Variants in RANBP2 observed in about 807,000 individuals in gnomAD.
The protein encoded by RANBP2 is E3 SUMO-protein ligase RanBP2.
RANBP2 carries 57 observed loss-of-function variants against 303.6 expected under a neutral mutation model. The observed-to-expected ratio is 0.19, with a 90% CI of 0.15 to 0.23. The LOEUF (loss-of-function observed/expected upper bound fraction) is 0.23. RANBP2 is among the 10% of genes least tolerant of loss of function. The pLI, the probability that RANBP2 is intolerant of heterozygous loss-of-function variation, is 1.00. For synonymous variants in RANBP2, 1,167 were observed against 1,301.5 expected (o/e 0.90, Z 2.23); for missense variants, 3,138 against 3,780.8 (o/e 0.83, Z 4.46).
chr2:109,341,815 C>A, the RANBP2 span, among the ~76,000 whole-genome samples: 1 of 152,200 alleles, frequency 6.6e-6, no homozygotes, highest in African/African-American at 2.4e-5. Context: ...CACTTGCATT[C>A]TGTGGACAGA....
the RANBP2 span, among the ~76,000 whole-genome samples, chr2:109,498,467 C>A: frequency 6.6e-6 from 1 of 152,196 alleles, no homozygotes; most frequent in Non-Finnish European, 1.5e-5. Context: ...TTTTCCTGAG[C>A]CTGGCACCAA....
chr2:109,430,522 C>T, the RANBP2 span, among the ~76,000 whole-genome samples: 1 of 151,976 alleles, frequency 6.6e-6, no homozygotes, highest in East Asian at 1.9e-4. Flanking sequence ...TCTCCTCCTC[C>T]TCCCTCCTCC....
At chr2:109,375,741 C>T in the RANBP2 span, among the ~76,000 whole-genome samples, 1 of 152,224 alleles carries the variant, frequency 6.6e-6, no homozygotes, top group Non-Finnish European at 1.5e-5. Flanking sequence ...CCCTGCAGCC[C>T]CCCTCTCTTT....
the RANBP2 span, chr2:109,490,727 A>G: frequency 2.0e-6 from 3 of 1,535,486 alleles, no homozygotes; most frequent in Non-Finnish European, 2.6e-6. Flanking sequence ...CCCTGCTCCA[A>G]GGTGCAGTGG....
chr2:108,794,843 G>A, the RANBP2 span: 1 of 748,052 alleles, frequency 1.3e-6, no homozygotes. Flanking sequence ...TCAAGAGAAG[G>A]ACGGAAGGGG....
At chr2:108,754,030 G>C in intron 15 of RANBP2, 59 bp downstream of exon 15, 1 of 1,611,094 alleles carries the variant, frequency 6.2e-7, no homozygotes, top group Non-Finnish European at 8.5e-7. Context: ...CAATGTTTTT[G>C]CGTTGGTCTT....
At chr2:109,460,692 A>G in the RANBP2 span, among the ~76,000 whole-genome samples, 4 of 151,890 alleles carry the variant, frequency 2.6e-5, no homozygotes, top group African/African-American at 9.7e-5. Context: ...AGGTCTTTTC[A>G]CATGTGCTTT....
At chr2:109,507,701 C>T in the RANBP2 span, among the ~76,000 whole-genome samples, 1 of 152,192 alleles carries the variant, frequency 6.6e-6, no homozygotes, top group Admixed American at 6.5e-5. Flanking sequence ...CCCAGACACC[C>T]AAGAAAATGG....
At chr2:109,255,162 A>T in the RANBP2 span, among the ~76,000 whole-genome samples, 7 of 152,142 alleles carry the variant, frequency 4.6e-5, no homozygotes, top group African/African-American at 1.7e-4. Context: ...GCACGTGTGC[A>T]ACTCTTGCTT....
At chr2:109,378,627 G>A in the RANBP2 span, among the ~76,000 whole-genome samples, 1 of 152,176 alleles carries the variant, frequency 6.6e-6, no homozygotes, top group African/African-American at 2.4e-5. Flanking sequence ...TTGTTAAATT[G>A]CTTAGACTCA....
At chr2:109,614,288 GGCGCGGGGCGGGGGT>G in the RANBP2 span, 2 of 619,400 alleles carry the variant, frequency 3.2e-6, no homozygotes, top group Non-Finnish European at 4.5e-6. Context: ...TGGTGGCGTG[GGCGCGGGGCGGGGGT>G]GCGGGGGGCG....
chr2:109,278,774 C>T, the RANBP2 span, among the ~76,000 whole-genome samples: 5 of 152,162 alleles, frequency 3.3e-5, no homozygotes, highest in African/African-American at 7.2e-5. Context: ...CAACTGAAAC[C>T]CATGTTACCC....
chr2:109,054,578 T>C, the RANBP2 span, among the ~76,000 whole-genome samples: 1 of 151,698 alleles, frequency 6.6e-6, no homozygotes, highest in Non-Finnish European at 1.5e-5. Flanking sequence ...CATGCACCTG[T>C]AGTCCCAGCT....
At chr2:109,565,058 CCTT>C in the RANBP2 span, among the ~76,000 whole-genome samples, 9 of 152,088 alleles carry the variant, frequency 5.9e-5, no homozygotes, top group Non-Finnish European at 1.2e-4. Context: ...CTTACATGAT[CCTT>C]CTTCTATGTT....
chr2:108,798,580 A>G, the RANBP2 span: 24 of 1,604,654 alleles, frequency 1.5e-5, no homozygotes, highest in Non-Finnish European at 2.0e-5. Context: ...TTCAAATTAT[A>G]AAAGAGGTAA....
At chr2:108,818,989 A>G in the RANBP2 span, among the ~76,000 whole-genome samples, 1 of 152,228 alleles carries the variant, frequency 6.6e-6, no homozygotes, top group Non-Finnish European at 1.5e-5. Context: ...TATCAAAGAA[A>G]TTGAGATACA....
the RANBP2 span, among the ~76,000 whole-genome samples, chr2:109,287,034 C>T: frequency 6.6e-6 from 1 of 152,188 alleles, no homozygotes. Flanking sequence ...ACTGCTCTTC[C>T]CTCTCAGCAA....
At chr2:109,068,930 A>G in the RANBP2 span, among the ~76,000 whole-genome samples, 8 of 152,326 alleles carry the variant, frequency 5.3e-5, no homozygotes, top group South Asian at 1.5e-3. Context: ...ACCATGGCTG[A>G]CAATCTTATA....
chr2:109,434,388 T>C, the RANBP2 span, among the ~76,000 whole-genome samples: 1 of 152,220 alleles, frequency 6.6e-6, no homozygotes, highest in Non-Finnish European at 1.5e-5. Context: ...TTCCTTTATC[T>C]TTACCTGAGA....
Sources: allele counts gnomAD v4.1 joint callset (sites outside exome capture counted in the v4.1 genomes callset), GRCh38; gene constraint gnomAD v4.1.1; transcripts MANE v1.5; gene names NCBI Gene and HGNC (gene_info 2026-07-23, HGNC 2026-07-21).